CDYL2: variants seen among roughly 807,000 people sequenced by gnomAD.
CDYL2 encodes the protein chromodomain Y-like protein 2.
CDYL2 carries 23 observed loss-of-function variants against 49.4 expected under a neutral mutation model. The observed-to-expected ratio is 0.47, with a 90% CI of 0.34 to 0.66. The LOEUF (loss-of-function observed/expected upper bound fraction) is 0.66, where lower values mean the gene tolerates loss of function less well. Among genes scored for constraint, CDYL2 ranks in the 30% least tolerant of loss-of-function variants. CDYL2 has a pLI of 0.01. For missense variants in CDYL2, 678 were observed against 656.4 expected, an observed-to-expected ratio of 1.03 and a Z score of -0.36; for synonymous variants, 360 against 268.8, an observed-to-expected ratio of 1.34 and a Z score of -3.32.
chr16:80,733,082 C>A (rs947703877), intron 1 of CDYL2, among the ~76,000 whole-genome samples: 1 of 152,002 alleles, frequency 6.6e-6, no homozygotes, highest in Admixed American at 6.6e-5. Context: ...CTACTGATAA[C>A]GTTCTTTCTA....
chr16:80,765,920 G>A (rs566309425), intron 1 of CDYL2, among the ~76,000 whole-genome samples: 56 of 145,430 alleles, frequency 3.9e-4, no homozygotes, highest in Admixed American at 6.9e-4. Flanking sequence ...TGATACAAGC[G>A]ACAACATGGA....
chr16:80,611,334 T>TC (rs1906585538), intron 5 of CDYL2, among the ~76,000 whole-genome samples: 1 of 152,144 alleles, frequency 6.6e-6, no homozygotes. Flanking sequence ...AGGAGGGGAC[T>TC]CCCTGAGAAC....
intron 2 of CDYL2, among the ~76,000 whole-genome samples, chr16:80,659,001 T>A (rs1040708707): frequency 6.6e-6 from 1 of 152,132 alleles, no homozygotes; most frequent in East Asian, 1.9e-4. Flanking sequence ...TAATAGATTA[T>A]AAACTGTCAC....
intron 2 of CDYL2, among the ~76,000 whole-genome samples, chr16:80,646,088 A>G (rs190568822): frequency 3.3e-5 from 5 of 151,818 alleles, no homozygotes; most frequent in Non-Finnish European, 5.9e-5. Flanking sequence ...GCATGTATAC[A>G]TATGTAACAA....
intron 2 of CDYL2, among the ~76,000 whole-genome samples, chr16:80,640,704 C>A (rs375900268): frequency 1.3e-5 from 2 of 152,056 alleles, no homozygotes; most frequent in East Asian, 1.9e-4. Flanking sequence ...AAAAATAACA[C>A]AGAGAAGGAA....
intron 5 of CDYL2, among the ~76,000 whole-genome samples, chr16:80,611,250 G>A (rs11862190): frequency 0.12 from 18,003 of 152,176 alleles, 1,440 homozygotes; most frequent in Middle Eastern, 0.16. Context: ...GTGGCGAGCC[G>A]GGCACTTAGT....
At chr16:80,748,238 G>C (rs1331421336) in intron 1 of CDYL2, among the ~76,000 whole-genome samples, 4 of 149,470 alleles carry the variant, frequency 2.7e-5, no homozygotes, top group Non-Finnish European at 5.9e-5. Flanking sequence ...TAAAACTCAG[G>C]TGGGTGGACC....
chr16:80,751,842 G>A (rs1341593237), intron 1 of CDYL2, among the ~76,000 whole-genome samples: 4 of 152,120 alleles, frequency 2.6e-5, no homozygotes, highest in Non-Finnish European at 4.4e-5. Flanking sequence ...ACCGGCTTCC[G>A]TCTCTGATTG....
chr16:80,711,050 G>A (rs772077536), intron 1 of CDYL2, among the ~76,000 whole-genome samples: 1 of 152,166 alleles, frequency 6.6e-6, no homozygotes, highest in Non-Finnish European at 1.5e-5. Flanking sequence ...GGAAACAATA[G>A]TCCCTTTGCA....
chr16:80,790,827 G>T (rs144091563), intron 1 of CDYL2, among the ~76,000 whole-genome samples: 128 of 152,278 alleles, frequency 8.4e-4, no homozygotes, highest in African/African-American at 3.0e-3. Context: ...GAGCCTCCCT[G>T]CCGTCCTCTG....
Position 80,694,357 on chromosome 16 carries a change from A to G in CDYL2, c.25-9228T>C, listed in dbSNP as rs56839806. ...CCAGTCCATAACCAGGGGGTTAGGAACCCCTGCTCTAGTTGGTAAAATTGT... is the reference window on the plus strand; with the variant it reads ...CCAGTCCATAACCAGGGGGTTAGGAGCCCCTGCTCTAGTTGGTAAAATTGT... On this transcript the variant is annotated intron_variant, in intron 1 of 6. Coordinates refer to ENST00000570137, the MANE Select transcript of CDYL2 (RefSeq NM_152342.4). Among the ~76,000 whole-genome samples, 975 of 152,244 alleles carry G rather than the reference A, an allele frequency of 6.4e-3. 13 individuals are homozygous for G. Among genetic ancestry groups the G allele is most frequent in the African/African-American group, 0.022 (920 of 41,534 alleles).
intron 1 of CDYL2, among the ~76,000 whole-genome samples, chr16:80,750,003 C>T (rs1487063009): frequency 1.3e-5 from 2 of 151,474 alleles, no homozygotes; most frequent in Non-Finnish European, 2.9e-5. Flanking sequence ...CCAAACACCA[C>T]ATGTTCTCAC....
At chr16:80,755,616 C>G (rs1489560866) in intron 1 of CDYL2, among the ~76,000 whole-genome samples, 1 of 152,188 alleles carries the variant, frequency 6.6e-6, no homozygotes, top group East Asian at 1.9e-4. Context: ...GATACTTATC[C>G]TCAGAAACTT....
chr16:80,748,868 C>A (rs1166036476), intron 1 of CDYL2, among the ~76,000 whole-genome samples: 1 of 152,038 alleles, frequency 6.6e-6, no homozygotes, highest in African/African-American at 2.4e-5. Flanking sequence ...GGCATGGATA[C>A]CAAATTAGCT....
At chr16:80,679,447 G>A (rs528071135) in intron 2 of CDYL2, among the ~76,000 whole-genome samples, 4 of 152,168 alleles carry the variant, frequency 2.6e-5, no homozygotes, top group African/African-American at 9.6e-5. Context: ...CAGCTCTATA[G>A]TTAAATTTGC....
chr16:80,667,697 G>A (rs1909324891), intron 2 of CDYL2, among the ~76,000 whole-genome samples: 1 of 152,174 alleles, frequency 6.6e-6, no homozygotes, highest in African/African-American at 2.4e-5. Flanking sequence ...AACAAGTGGG[G>A]AAATATAAAG....
At chr16:80,696,209 A>G (rs961463933) in intron 1 of CDYL2, among the ~76,000 whole-genome samples, 2 of 152,222 alleles carry the variant, frequency 1.3e-5, no homozygotes, top group African/African-American at 2.4e-5. Context: ...ATGAAAACAG[A>G]AACACAACAT....
chr16:80,727,467 A>AT (rs1905201589), intron 1 of CDYL2, among the ~76,000 whole-genome samples: 1 of 152,194 alleles, frequency 6.6e-6, no homozygotes, highest in Non-Finnish European at 1.5e-5. Context: ...AGTCTCGCTG[A>AT]TTGCTAGCAC....
At chr16:80,636,758 G>A (rs1317587087) in intron 2 of CDYL2, among the ~76,000 whole-genome samples, 1 of 152,170 alleles carries the variant, frequency 6.6e-6, no homozygotes, top group African/African-American at 2.4e-5. Context: ...GCACACGTAT[G>A]TTTACTGCAG....
Sources: allele counts gnomAD v4.1 joint callset (sites outside exome capture counted in the v4.1 genomes callset), GRCh38; gene constraint gnomAD v4.1.1; transcripts MANE v1.5; gene names NCBI Gene and HGNC (gene_info 2026-07-23, HGNC 2026-07-21).